PRRX1: variants seen among roughly 807,000 people sequenced by gnomAD.
PRRX1 encodes the protein paired mesoderm homeobox protein 1.
Under a neutral mutation model 24.0 loss-of-function variants are expected in PRRX1, and 8 were observed. That is an observed-to-expected ratio of 0.33 (90% confidence interval 0.20 to 0.60). The LOEUF is 0.60. Among genes scored for constraint, PRRX1 ranks in the 20% least tolerant of loss-of-function variants. The pLI, the probability that PRRX1 is intolerant of heterozygous loss-of-function variation, is 0.82. For synonymous variants in PRRX1, 160 were observed against 131.7 expected (o/e 1.22, Z -1.47); for missense variants, 281 against 322.4 (o/e 0.87, Z 0.98).
chr1:170,702,887 T>C (rs1464739138), intron 1 of PRRX1, among the ~76,000 whole-genome samples: 1 of 152,164 alleles, frequency 6.6e-6, no homozygotes, highest in Non-Finnish European at 1.5e-5. Flanking sequence ...TATGCAATTA[T>C]CTTGCTCTCA....
At chr1:170,694,904 G>A (rs1654115775) in intron 1 of PRRX1, among the ~76,000 whole-genome samples, 2 of 152,082 alleles carry the variant, frequency 1.3e-5, no homozygotes, top group African/African-American at 4.8e-5. Context: ...ATTAAGAGGA[G>A]GCTAAAGGCA....
chr1:170,707,793 C>T (rs145578245), intron 1 of PRRX1, among the ~76,000 whole-genome samples: 27 of 152,270 alleles, frequency 1.8e-4, no homozygotes, highest in African/African-American at 4.6e-4. Flanking sequence ...CCAGTTTGTC[C>T]TTGTTCTTGG....
At chr1:170,693,166 A>C (rs1257722470) in intron 1 of PRRX1, among the ~76,000 whole-genome samples, 1 of 152,048 alleles carries the variant, frequency 6.6e-6, no homozygotes. Context: ...AAAGCTAAAT[A>C]CCATGGTTTT....
At chr1:170,715,353 G>A (rs1423535306) in intron 1 of PRRX1, among the ~76,000 whole-genome samples, 1 of 152,126 alleles carries the variant, frequency 6.6e-6, no homozygotes, top group Non-Finnish European at 1.5e-5. Flanking sequence ...AATGTAATAT[G>A]TCAAGGAATC....
At position 170,719,869 on chromosome 1, in the gene PRRX1, C is replaced by T. The variant is rs756917059; in HGVS notation, c.385C>T (p.Arg129Cys). 5.0e-6 allele frequency: 8 copies of T among 1,614,116 alleles called. No individual in the cohort carries two copies. The highest frequency in any genetic ancestry group is 4.5e-5 in the East Asian group (2 of 44,878). ...PDAFVREDLA[R>C]RVNLTEARVQ... The stretch of plus-strand genomic sequence containing the variant: ...TGCTTTTGTGCGAGAAGACCTTGCC[C>T]GCCGGGTGAACCTCACCGAGGCGAG... Residue 129 changes from arginine to cysteine, a missense_variant, in exon 2 of 4, where the codon CGC (arginine) becomes TGC (cysteine). Transcript: ENST00000239461.
rs968059990 is a variant in PRRX1 at position 170,738,402 on chromosome 1, T to C, written c.*2216T>C. 8.8e-6 allele frequency: 2 copies of C among 226,538 alleles called. No homozygotes were observed. The highest frequency in any genetic ancestry group is 4.4e-5 in the African/African-American group (2 of 44,960). 14.0% of individuals were successfully genotyped at this position (226,538 alleles called of 1,614,324 possible). A position where few individuals can be genotyped will look rare whatever the true frequency, so the allele number is the denominator to read the frequency against. On this transcript the variant is annotated 3_prime_UTR_variant, in exon 4 of 4. Transcript: ENST00000239461. ...ATCTTATACATTTTGCTTTCACCAA[T>C]TGATTCCTTCTTCTTTTAGCCCACT...
At chr1:170,663,925 C>G (rs645196), upstream of PRRX1, 398,627 of 398,628 alleles carry the variant, frequency 1, 199,313 homozygotes, top group Middle Eastern at 1. Context: ...TTGTATTTTA[C>G]TGTGGATTAT....
At chr1:170,713,627 G>C (rs180675186) in intron 1 of PRRX1, among the ~76,000 whole-genome samples, 2 of 152,290 alleles carry the variant, frequency 1.3e-5, no homozygotes, top group Admixed American at 1.3e-4. Context: ...CAGAACCACT[G>C]TTGCTTTACA....
At chr1:170,702,615 G>A (rs1306618359) in intron 1 of PRRX1, among the ~76,000 whole-genome samples, 3 of 152,184 alleles carry the variant, frequency 2.0e-5, no homozygotes, top group Non-Finnish European at 4.4e-5. Context: ...TCCCAGGATT[G>A]AGGCTTTTAC....
At chr1:170,704,596 A>G (rs563388491) in intron 1 of PRRX1, among the ~76,000 whole-genome samples, 1 of 152,304 alleles carries the variant, frequency 6.6e-6, no homozygotes, top group African/African-American at 2.4e-5. Flanking sequence ...AGCAAGATAG[A>G]CTTTGGAAAG....
chr1:170,709,595 A>G (rs1195636693), intron 1 of PRRX1, among the ~76,000 whole-genome samples: 3 of 151,556 alleles, frequency 2.0e-5, no homozygotes, highest in Non-Finnish European at 4.4e-5. Flanking sequence ...TTTTTCTACT[A>G]TTACTTTACT....
chr1:170,682,620 T>A (rs1653591490), intron 1 of PRRX1, among the ~76,000 whole-genome samples: 1 of 152,168 alleles, frequency 6.6e-6, no homozygotes, highest in African/African-American at 2.4e-5. Flanking sequence ...CATTTTTTTT[T>A]CATACATATT....
chr1:170,667,027 C>G (rs900086167), intron 1 of PRRX1, among the ~76,000 whole-genome samples: 4 of 152,156 alleles, frequency 2.6e-5, no homozygotes, highest in Admixed American at 2.0e-4. Flanking sequence ...CTCAGCATCC[C>G]GGGCGGAATT....
At chr1:170,702,294 C>T (rs749189880) in intron 1 of PRRX1, among the ~76,000 whole-genome samples, 11 of 152,154 alleles carry the variant, frequency 7.2e-5, no homozygotes, top group Non-Finnish European at 1.3e-4. Context: ...GAGACTAGAA[C>T]ACTAGTTGGA....
intron 1 of PRRX1, among the ~76,000 whole-genome samples, chr1:170,688,617 A>G (rs1426333938): frequency 6.6e-6 from 1 of 152,178 alleles, no homozygotes; most frequent in African/African-American, 2.4e-5. Flanking sequence ...TCTGCTGACT[A>G]TATCGTTTCA....
At chr1:170,710,316 T>A (rs1475977873) in intron 1 of PRRX1, among the ~76,000 whole-genome samples, 1 of 152,160 alleles carries the variant, frequency 6.6e-6, no homozygotes, top group Non-Finnish European at 1.5e-5. Flanking sequence ...ATCCTATAAC[T>A]CCACAATGCT....
chr1:170,719,461 T>C (rs940312394), intron 1 of PRRX1, among the ~76,000 whole-genome samples: 3 of 152,230 alleles, frequency 2.0e-5, no homozygotes, highest in South Asian at 2.1e-4. Context: ...TCAAGGATCA[T>C]GCAAGTAATG....
intron 1 of PRRX1, among the ~76,000 whole-genome samples, chr1:170,697,741 A>AAT (rs1028609665): frequency 6.8e-6 from 1 of 147,152 alleles, no homozygotes; most frequent in South Asian, 2.1e-4. Flanking sequence ...TACATATATA[A>AAT]ATATATATAC....
At chr1:170,702,344 T>G (rs1237940034) in intron 1 of PRRX1, among the ~76,000 whole-genome samples, 1 of 152,112 alleles carries the variant, frequency 6.6e-6, no homozygotes, top group African/African-American at 2.4e-5. Flanking sequence ...TAGCTGTAAT[T>G]TTGTATCTGT....
Sources: allele counts gnomAD v4.1 joint callset (sites outside exome capture counted in the v4.1 genomes callset), GRCh38; gene constraint gnomAD v4.1.1; transcripts MANE v1.5; gene names NCBI Gene and HGNC (gene_info 2026-07-23, HGNC 2026-07-21).